Variants in ALMS1 observed in about 807,000 individuals in gnomAD.
ALMS1 encodes ALMS1 centrosome and basal body associated protein.
ALMS1 carries 271 observed loss-of-function variants against 352.2 expected under a neutral mutation model. That is an observed-to-expected ratio of 0.77 (90% CI 0.70 to 0.85). ALMS1 has a LOEUF of 0.85. Among genes scored for constraint, ALMS1 ranks in the 40% least tolerant of loss-of-function variants. ALMS1 has a pLI of 0.00. For synonymous variants in ALMS1, 1,865 were observed against 1,761.2 expected, an observed-to-expected ratio of 1.06 and a Z score of -1.48; for missense variants, 5,445 against 4,870.7, an observed-to-expected ratio of 1.12 and a Z score of -3.51.
chr2:73,437,170 C>A (rs1671620102), intron 7 of ALMS1, among the ~76,000 whole-genome samples: 1 of 152,118 alleles, frequency 6.6e-6, no homozygotes, highest in Admixed American at 6.5e-5. Context: ...AGTCATTCTC[C>A]TTATGGAGAT....
intron 9 of ALMS1, among the ~76,000 whole-genome samples, chr2:73,461,183 C>A (rs537403396): frequency 6.6e-6 from 1 of 152,300 alleles, no homozygotes; most frequent in East Asian, 1.9e-4. Context: ...CTGGGAGGCA[C>A]CCCCCAGGAG....
chr2:73,489,940 G>A lies in ALMS1; in HGVS notation c.7981G>A (p.Glu2661Lys), dbSNP rs762452929. 23 of 1,614,088 alleles carry A rather than the reference G, an allele frequency of 1.4e-5. 2 individuals are homozygous for A. In the South Asian group the frequency reaches 2.4e-4, roughly 17 times the overall value. ...HSPFQNFIPD[E>K]FKISKGLRMP... The stretch of plus-strand genomic sequence containing the variant: ...CCCATTTCAGAACTTTATACCTGAT[G>A]AATTCAAAATCAGCAAAGGTCTTCG... The change falls in exon 10 of 23, where the codon GAA becomes AAA. Residue 2661 changes from glutamate to lysine, a missense_variant. Physicochemically the swap from Glu to Lys is moderately conservative, Grantham distance 56. Transcript: ENST00000613296.
intron 10 of ALMS1, among the ~76,000 whole-genome samples, chr2:73,510,808 G>T (rs1046454511): frequency 2.0e-5 from 3 of 152,178 alleles, no homozygotes; most frequent in Non-Finnish European, 4.4e-5. Flanking sequence ...CTGAAGCTGT[G>T]CCCACAGCTG....
At chr2:73,488,880 G>T (rs891380928) in intron 9 of ALMS1, among the ~76,000 whole-genome samples, 3 of 152,144 alleles carry the variant, frequency 2.0e-5, no homozygotes, top group Non-Finnish European at 2.9e-5. Flanking sequence ...AGGAAACAAG[G>T]TCTTGGTTTT....
chr2:73,489,529 A>G lies in ALMS1; in HGVS notation c.7675-105A>G, dbSNP rs1254035301. 6.1e-6 allele frequency: 8 copies of G among 1,309,354 alleles called. No homozygotes were observed. The African/African-American group carries it at 8.8e-5, about 14-fold the overall frequency. The allele number at this position is 1,309,354 out of a possible 1,614,324, so 81.1% of individuals were successfully genotyped here. On this transcript the variant is annotated intron_variant, in intron 9 of 22. Transcript: ENST00000613296. ...ATTATAAAAGAATGACATGACCTTCATGGTCTAATCTTAGCGTGGGTATAA... is the reference window on the plus strand; with the variant it reads ...ATTATAAAAGAATGACATGACCTTCGTGGTCTAATCTTAGCGTGGGTATAA...
chr2:73,482,899 G>C (rs1672744289), intron 9 of ALMS1, among the ~76,000 whole-genome samples: 1 of 152,052 alleles, frequency 6.6e-6, no homozygotes, highest in Non-Finnish European at 1.5e-5. Context: ...ATGGTAGTTT[G>C]TATTTCTGTG....
rs1673458105 is a variant in ALMS1 at position 73,511,722 on chromosome 2, A to G, written c.9540-8053A>G. 1.3e-5 allele frequency among the ~76,000 whole-genome samples: 2 copies of G among 152,156 alleles called. 1 individual carries two copies. Among genetic ancestry groups the G allele is most frequent in the South Asian group, 4.1e-4 (2 of 4,822 alleles). On this transcript the variant is annotated intron_variant, in intron 10 of 22. Coordinates refer to ENST00000613296, the MANE Select transcript of ALMS1 (RefSeq NM_001378454.1). The stretch of plus-strand genomic sequence containing the variant: ...GGAGTGATTTTACCTCTCAGGGAAC[A>G]TGGGAAATGTCTGAAGACATTTTTG...
Position 73,386,187 on chromosome 2 carries a change from G to A in ALMS1, c.319G>A (p.Glu107Lys). 1.3e-6 allele frequency: 2 copies of A among 1,538,814 alleles called. No individual in the cohort carries two copies. The highest frequency in any genetic ancestry group is 8.8e-7 in the Non-Finnish European group (1 of 1,140,220). ...RYSEGERTSL[E>K]KIVPLTCHVW... ...CTCGGAGGGCGAGCGGACCTCCCTGGAGAAGGTGAGGCGGGCCGGGGAGGG... is the reference window on the plus strand; with the variant it reads ...CTCGGAGGGCGAGCGGACCTCCCTGAAGAAGGTGAGGCGGGCCGGGGAGGG... The change falls in exon 1 of 23, where the codon GAG becomes AAG. Residue 107 changes from glutamate (E) to lysine (K), a missense_variant. By Grantham distance (56) the Glu-to-Lys change is moderately conservative. Coordinates refer to ENST00000613296, the MANE Select transcript of ALMS1 (RefSeq NM_001378454.1).
At chr2:73,461,055 T>A (rs1416533996) in intron 9 of ALMS1, among the ~76,000 whole-genome samples, 2 of 152,226 alleles carry the variant, frequency 1.3e-5, no homozygotes, top group African/African-American at 2.4e-5. Flanking sequence ...CTCTGTAGAC[T>A]TAAATGTCCC....
At chr2:73,538,185 A>G (rs1674073052) in intron 12 of ALMS1, among the ~76,000 whole-genome samples, 1 of 152,134 alleles carries the variant, frequency 6.6e-6, no homozygotes, top group East Asian at 1.9e-4. Context: ...TAAAATATGT[A>G]AGGAACCCTT....
intron 8 of ALMS1, 193 bp downstream of exon 8, chr2:73,454,260 C>A (rs1672013423): frequency 1.0e-6 from 1 of 956,930 alleles, no homozygotes; most frequent in Non-Finnish European, 1.2e-6. Context: ...TTCTAACAAT[C>A]CATAAAAAGC....
chr2:73,591,625 C>T (rs773629482), intron 16 of ALMS1, among the ~76,000 whole-genome samples: 1 of 152,056 alleles, frequency 6.6e-6, no homozygotes, highest in South Asian at 2.1e-4. Flanking sequence ...ATCAGATCAT[C>T]CAAGTGAAAA....
intron 12 of ALMS1, among the ~76,000 whole-genome samples, chr2:73,538,928 T>G (rs928904902): frequency 3.3e-5 from 5 of 152,074 alleles, no homozygotes; most frequent in African/African-American, 1.2e-4. Flanking sequence ...CAAGGATGCC[T>G]GCCTGCCTCT....
Position 73,507,567 on chromosome 2 carries a change from T to C in ALMS1, c.9540-12208T>C, listed in dbSNP as rs566788885. Among the ~76,000 whole-genome samples, 107 of 152,290 alleles carry C rather than the reference T, an allele frequency of 7.0e-4. No homozygotes were observed. The South Asian group carries it at 0.02, about 29-fold the overall frequency. On this transcript the variant is annotated intron_variant, in intron 10 of 22. Coordinates refer to ENST00000613296, the MANE Select transcript of ALMS1 (RefSeq NM_001378454.1). ...ATTTTCTAGTTTATTTGCGTAGAGGTGTTTGCAGTATTCTCTGATGGTAGT... is the reference window on the plus strand; with the variant it reads ...ATTTTCTAGTTTATTTGCGTAGAGGCGTTTGCAGTATTCTCTGATGGTAGT...
At chr2:73,481,334 A>G (rs1314321101) in intron 9 of ALMS1, among the ~76,000 whole-genome samples, 1 of 152,148 alleles carries the variant, frequency 6.6e-6, no homozygotes, top group Non-Finnish European at 1.5e-5. Context: ...TAAACAGGGA[A>G]TCCTTTCCCC....
At chr2:73,500,980 A>G (rs934594874) in intron 10 of ALMS1, among the ~76,000 whole-genome samples, 7 of 152,118 alleles carry the variant, frequency 4.6e-5, no homozygotes, top group Non-Finnish European at 1.5e-5. Flanking sequence ...CAGTTATTCC[A>G]CATCCTTGCC....
intron 16 of ALMS1, among the ~76,000 whole-genome samples, chr2:73,575,765 T>A (rs923295081): frequency 6.6e-6 from 1 of 152,170 alleles, no homozygotes; most frequent in African/African-American, 2.4e-5. Flanking sequence ...TTCTCCCATT[T>A]TGTAGGTTGC....
chr2:73,472,013 C>T (rs1672479418), intron 9 of ALMS1, among the ~76,000 whole-genome samples: 1 of 151,912 alleles, frequency 6.6e-6, no homozygotes. Flanking sequence ...AATATTATTC[C>T]ACCTTAAGGA....
chr2:73,512,391 A>ATT (rs1306844704), intron 10 of ALMS1, among the ~76,000 whole-genome samples: 1 of 144,408 alleles, frequency 6.9e-6, no homozygotes, highest in African/African-American at 2.5e-5. Flanking sequence ...CCACTGTCAG[A>ATT]TTTTTTTTTT....
Sources: gnomAD v4.1 joint callset for allele counts (sites outside exome capture counted in the v4.1 genomes callset) on GRCh38, gnomAD v4.1.1 for gene constraint, MANE v1.5 for transcripts, NCBI Gene and HGNC (gene_info 2026-07-23, HGNC 2026-07-21) for gene names.